HACE1: variants seen among roughly 807,000 people sequenced by gnomAD.
HACE1 encodes the protein E3 ubiquitin-protein ligase HACE1.
HACE1 carries 73 observed loss-of-function variants against 118.4 expected under a neutral mutation model. The ratio of observed to expected loss-of-function variants is 0.62; its 90% CI spans 0.51 to 0.75. The LOEUF (loss-of-function observed/expected upper bound fraction) is 0.75. Ranked by LOEUF, HACE1 falls within the 30% of genes least tolerant of loss-of-function variation. The probability of loss-of-function intolerance (pLI) is 0.00; values close to 1 mark genes in which losing one functional copy is unlikely to be tolerated. For missense variants in HACE1, 749 were observed against 1,102.2 expected (o/e 0.68, Z 4.54); for synonymous variants, 368 against 374.8 (o/e 0.98, Z 0.21).
intron 5 of HACE1, among the ~76,000 whole-genome samples, chr6:104,841,116 C>T (rs1775077394): frequency 7.1e-6 from 1 of 141,018 alleles, no homozygotes; most frequent in African/African-American, 2.6e-5. Flanking sequence ...GAGACTCTGT[C>T]TCAAAAAAAA....
chr6:104,835,822 T>C (rs1294971514), intron 5 of HACE1, among the ~76,000 whole-genome samples: 1 of 152,190 alleles, frequency 6.6e-6, no homozygotes, highest in Non-Finnish European at 1.5e-5. Context: ...TATAAGTTTC[T>C]AGAGAGAAAA....
chr6:104,843,306 G>GA lies in HACE1; in HGVS notation c.327-9dup, dbSNP rs757198782. ...CTCATACATTTCTTCTGCCTGAAAA[G>GA]AAAAAAGAGTCATGGATAACTGGTA... is the stretch of plus-strand genomic sequence containing the variant. On this transcript the variant is annotated splice_polypyrimidine_tract_variant and intron_variant, in intron 4 of 23. Coordinates refer to ENST00000262903, the MANE Select transcript of HACE1 (RefSeq NM_020771.4). 8.2e-6 allele frequency: 11 copies of GA among 1,338,494 alleles called. No homozygotes were observed. The African/African-American group carries it at 1.3e-4, about 16-fold the overall frequency. 82.9% of individuals were successfully genotyped at this position (1,338,494 alleles called of 1,614,324 possible).
At chr6:104,743,765 ACAGAGTTAAC>A (rs1777094196) in intron 22 of HACE1, among the ~76,000 whole-genome samples, 1 of 152,106 alleles carries the variant, frequency 6.6e-6, no homozygotes, top group Non-Finnish European at 1.5e-5. Context: ...TATGGGTAAT[ACAGAGTTAAC>A]CAGGATAAAC....
intron 19 of HACE1, among the ~76,000 whole-genome samples, chr6:104,762,088 T>A (rs1384436386): frequency 6.6e-6 from 1 of 152,186 alleles, no homozygotes; most frequent in African/African-American, 2.4e-5. Flanking sequence ...GGAACACTTT[T>A]ACACTGTTGG....
chr6:104,798,079 AAAAAG>A (rs930737303), intron 7 of HACE1, among the ~76,000 whole-genome samples: 12 of 151,828 alleles, frequency 7.9e-5, no homozygotes, highest in Non-Finnish European at 1.3e-4. Context: ...GAAAAAAAAA[AAAAAG>A]AAAGAAAGAA....
chr6:104,730,613 C>A, intron 22 of HACE1, 197 bp from the exon 23 acceptor site: 1 of 564,324 alleles, frequency 1.8e-6, no homozygotes, highest in Non-Finnish European at 3.2e-6. Context: ...GGAGACACCC[C>A]TCCACATTTC....
At chr6:104,848,446 C>A (rs1400430842) in intron 4 of HACE1, among the ~76,000 whole-genome samples, 1 of 148,962 alleles carries the variant, frequency 6.7e-6, no homozygotes, top group Admixed American at 6.7e-5. Context: ...CGGAGTGAGA[C>A]CCCATCTCAA....
intron 17 of HACE1, 114 bp from the exon 18 acceptor site, chr6:104,772,188 T>C: frequency 1.5e-6 from 1 of 647,534 alleles, no homozygotes; most frequent in Non-Finnish European, 2.7e-6. Context: ...AAGGTTACAT[T>C]ATGTATAAAC....
intron 17 of HACE1, among the ~76,000 whole-genome samples, chr6:104,772,752 A>C (rs1780775826): frequency 6.6e-6 from 1 of 152,222 alleles, no homozygotes; most frequent in Non-Finnish European, 1.5e-5. Context: ...ATTACTATGA[A>C]AATCCAGTGC....
rs1781285426 is a variant in HACE1, at chr6:104,776,995, ATCT to A, written c.1776+15_1776+17del. On this transcript the variant is annotated intron_variant, in intron 16 of 23. Transcript: ENST00000262903. ...CTTTACATACAGTGATTTCTACATC[ATCT>A]TCTTTTATACCCACCATGCCTTCTT... is the stretch of plus-strand genomic sequence containing the variant. 6.0e-6 allele frequency: 9 copies of A among 1,507,972 alleles called. No homozygotes were observed. The highest frequency in any genetic ancestry group is 2.3e-5 in the East Asian group (1 of 44,384). 93.4% of individuals were successfully genotyped at this position (1,507,972 alleles called of 1,614,324 possible).
intron 17 of HACE1, among the ~76,000 whole-genome samples, chr6:104,772,796 A>G (rs1352870488): frequency 6.6e-6 from 1 of 152,210 alleles, no homozygotes; most frequent in Non-Finnish European, 1.5e-5. Flanking sequence ...TAAAATATCT[A>G]GAATAGGCAA....
intron 6 of HACE1, among the ~76,000 whole-genome samples, chr6:104,820,862 C>A (rs1424691477): frequency 6.6e-6 from 1 of 152,156 alleles, no homozygotes; most frequent in Non-Finnish European, 1.5e-5. Flanking sequence ...AAATATAAAT[C>A]ATTCTATTAT....
intron 19 of HACE1, among the ~76,000 whole-genome samples, chr6:104,759,640 C>A (rs140577582): frequency 0.022 from 3,375 of 152,078 alleles, 42 homozygotes; most frequent in Middle Eastern, 0.075. Context: ...ATTGAAAGAA[C>A]TAGAGAAGCA....
At chr6:104,750,793 A>C (rs1433250290) in intron 19 of HACE1, among the ~76,000 whole-genome samples, 1 of 152,134 alleles carries the variant, frequency 6.6e-6, no homozygotes, top group African/African-American at 2.4e-5. Context: ...TCTCATCTGG[A>C]TTACTGCAAC....
At chr6:104,791,756 A>C in intron 10 of HACE1, 102 bp from the exon 11 acceptor site, 1 of 745,368 alleles carries the variant, frequency 1.3e-6, no homozygotes, top group Non-Finnish European at 2.3e-6. Flanking sequence ...GTTTCATATT[A>C]TAATGTAACT....
intron 22 of HACE1, among the ~76,000 whole-genome samples, chr6:104,733,653 A>G (rs1775452261): frequency 6.6e-6 from 1 of 151,338 alleles, no homozygotes; most frequent in Non-Finnish European, 1.5e-5. Context: ...AGTAGGGACC[A>G]GACTGGCCAA....
chr6:104,729,781 T>C lies in HACE1; in HGVS notation c.2628-17A>G, dbSNP rs567481436. ...ATGTTGATGCTTTAAAAGAAAAATATACCACCATTAAACAGGAAATCTATA... is the reference window on the plus strand; with the variant it reads ...ATGTTGATGCTTTAAAAGAAAAATACACCACCATTAAACAGGAAATCTATA... On this transcript the variant is annotated splice_polypyrimidine_tract_variant and intron_variant, in intron 23 of 23. Coordinates refer to ENST00000262903, the MANE Select transcript of HACE1 (RefSeq NM_020771.4). The C allele has an allele frequency of 2.0e-6, 2 of 1,018,320 alleles. No individual in the cohort carries two copies. Among genetic ancestry groups the C allele is most frequent in the South Asian group, 1.3e-5 (1 of 79,372 alleles). The allele number at this position is 1,018,320 out of a possible 1,614,324, so 63.1% of individuals were successfully genotyped here.
At chr6:104,754,856 C>T (rs959371604) in intron 19 of HACE1, among the ~76,000 whole-genome samples, 8 of 152,150 alleles carry the variant, frequency 5.3e-5, no homozygotes, top group African/African-American at 1.9e-4. Flanking sequence ...TGACCAGTGA[C>T]ACTATGAAGC....
intron 17 of HACE1, among the ~76,000 whole-genome samples, chr6:104,773,695 C>T (rs1409863667): frequency 6.6e-6 from 1 of 151,556 alleles, no homozygotes; most frequent in Non-Finnish European, 1.5e-5. Context: ...CCTCCCCTAG[C>T]TCTGTGTTTA....
Sources: allele counts gnomAD v4.1 joint callset (sites outside exome capture counted in the v4.1 genomes callset), GRCh38; gene constraint gnomAD v4.1.1; transcripts MANE v1.5; gene names NCBI Gene and HGNC (gene_info 2026-07-23, HGNC 2026-07-21).